The following KIAA1671 variants were observed in gnomAD, a reference collection of about 807,000 sequenced individuals.
The protein encoded by KIAA1671 is KIAA1671.
In KIAA1671, 52 loss-of-function variants were observed where a neutral mutation model predicts 131.2. The ratio of observed to expected loss-of-function variants is 0.40; its 90% CI spans 0.32 to 0.50. The LOEUF is 0.50. KIAA1671 is among the 20% of genes least tolerant of loss of function. KIAA1671 has a pLI of 0.73. For missense variants in KIAA1671, 2,360 were observed against 2,364.2 expected (o/e 1.00, Z 0.04); for synonymous variants, 1,003 against 961.6 (o/e 1.04, Z -0.80).
chr22:24,961,611 A>C (rs1246930588), intron 1 of KIAA1671, among the ~76,000 whole-genome samples: 4 of 152,206 alleles, frequency 2.6e-5, no homozygotes, highest in Admixed American at 2.6e-4. Context: ...GCAGCCAGCC[A>C]GGGCGTGTTC....
At position 25,041,185 on chromosome 22, in the gene KIAA1671, G is replaced by C; in HGVS notation, c.4055G>C (p.Gly1352Ala). The change falls in exon 5 of 13, where the codon GGT (glycine) becomes GCT (alanine). Residue 1352 changes from glycine to alanine, a missense_variant. By Grantham distance (60) the Gly-to-Ala change is moderately conservative. This residue lies in a region of KIAA1671 where 1,161 missense variants were observed against 1,204.7 expected (regional missense o/e 0.96). Transcript: ENST00000358431. The part of the protein sequence containing the change: ...QNYLAESKPS[G>A]REDPGSGVRV... ...TACCTGGCTGAGTCAAAGCCCTCTG[G>C]TCGGGAGGATCCAGGCAGTGGGGTC... is the stretch of plus-strand genomic sequence containing the variant. The C allele has an allele frequency of 1.3e-6, 2 of 1,551,790 alleles. No individual in the cohort carries two copies. Among genetic ancestry groups the C allele is most frequent in the Middle Eastern group, 1.7e-4 (1 of 5,990 alleles).
At chr22:25,082,056 G>C (rs5760832) in intron 6 of KIAA1671, among the ~76,000 whole-genome samples, 40 of 151,994 alleles carry the variant, frequency 2.6e-4, no homozygotes, top group African/African-American at 8.9e-4. Context: ...CCCTCTACCC[G>C]CACTGTTTGC....
chr22:25,185,306 G>T, intron 11 of KIAA1671, 187 bp downstream of exon 11: 1 of 666,358 alleles, frequency 1.5e-6, no homozygotes, highest in Non-Finnish European at 2.4e-6. Context: ...ACAGAGGCCG[G>T]GGAAGGAGGC....
At chr22:25,078,295 C>A (rs534671828) in intron 6 of KIAA1671, among the ~76,000 whole-genome samples, 1 of 152,104 alleles carries the variant, frequency 6.6e-6, no homozygotes, top group Non-Finnish European at 1.5e-5. Context: ...GAGATCAAAG[C>A]GGGAGGATTG....
chr22:25,087,901 A>G (rs1039951135), intron 6 of KIAA1671, among the ~76,000 whole-genome samples: 2 of 152,168 alleles, frequency 1.3e-5, no homozygotes, highest in African/African-American at 4.8e-5. Context: ...GCCCCAGCCA[A>G]TAAAGGAGAT....
At chr22:24,971,382 C>T (rs1225801759) in intron 1 of KIAA1671, among the ~76,000 whole-genome samples, 2 of 152,204 alleles carry the variant, frequency 1.3e-5, no homozygotes, top group African/African-American at 4.8e-5. Flanking sequence ...TGAGACATAG[C>T]TCCCTTGCCA....
At position 25,135,617 on chromosome 22, in the gene KIAA1671, A is replaced by G. The variant is rs73403532; in HGVS notation, c.4531-35203A>G. ...GAAGTCAGACATGTGACTAATTAAC[A>G]CCTCTTAATTGGGGAAATATGACCT... On this transcript the variant is annotated intron_variant, in intron 6 of 12. Coordinates refer to ENST00000358431, the MANE Select transcript of KIAA1671 (RefSeq NM_001145206.2). 1.4e-3 allele frequency among the ~76,000 whole-genome samples: 211 copies of G among 152,226 alleles called. 1 individual carries two copies. Among genetic ancestry groups the G allele is most frequent in the African/African-American group, 4.7e-3 (194 of 41,536 alleles).
chr22:25,104,170 G>A (rs1930862512), intron 6 of KIAA1671, among the ~76,000 whole-genome samples: 1 of 152,010 alleles, frequency 6.6e-6, no homozygotes, highest in Non-Finnish European at 1.5e-5. Context: ...GTAGAGATGG[G>A]GTTTTGTCAT....
At chr22:25,186,369 T>A (rs1414855639) in intron 11 of KIAA1671, 2 of 152,070 alleles carry the variant, frequency 1.3e-5, no homozygotes, top group African/African-American at 4.8e-5. Flanking sequence ...TGGAGTGCAG[T>A]GAGCTATGAT....
intron 9 of KIAA1671, among the ~76,000 whole-genome samples, chr22:25,180,257 C>T (rs1934219897): frequency 1.3e-5 from 2 of 152,202 alleles, no homozygotes; most frequent in Non-Finnish European, 2.9e-5. Context: ...TAAGAAGAAA[C>T]AGGCAGGGCG....
chr22:24,971,468 G>A (rs63376960), intron 1 of KIAA1671, among the ~76,000 whole-genome samples: 1 of 151,976 alleles, frequency 6.6e-6, no homozygotes, highest in Non-Finnish European at 1.5e-5. Context: ...CTTGAGAAAA[G>A]CTCCTTGTTT....
In KIAA1671 at chr22:25,196,790, A is replaced by AG. The variant is rs11422226; in HGVS notation, c.*4396dup. The AG allele has an allele frequency of 0.22, 33,910 of 151,920 alleles. 4,121 individuals are homozygous for AG. The highest frequency in any genetic ancestry group is 0.37 in the South Asian group (1,761 of 4,786). 9.4% of individuals were successfully genotyped at this position (151,920 alleles called of 1,614,324 possible). A position where few individuals can be genotyped will look rare whatever the true frequency, so the allele number is the denominator to read the frequency against. On this transcript the variant is annotated 3_prime_UTR_variant, in exon 13 of 13. Transcript: ENST00000358431. ...ACATAGCCTTATAGATCCTGTAAAT[A>AG]GGGGGGGTCACAAAAGTAATATATT...
intron 6 of KIAA1671, chr22:25,059,924 C>G (rs970807813): frequency 1.3e-5 from 2 of 152,200 alleles, no homozygotes; most frequent in African/African-American, 4.8e-5. Context: ...TCAGAAATCC[C>G]TGATCTGGGG....
At chr22:25,187,986 G>A (rs1420715288) in intron 11 of KIAA1671, among the ~76,000 whole-genome samples, 2 of 152,140 alleles carry the variant, frequency 1.3e-5, no homozygotes, top group South Asian at 2.1e-4. Context: ...GTACCTTTCT[G>A]TATGTGTTCT....
intron 6 of KIAA1671, among the ~76,000 whole-genome samples, chr22:25,092,323 G>A (rs1032427279): frequency 1.3e-5 from 2 of 152,180 alleles, no homozygotes; most frequent in African/African-American, 2.4e-5. Context: ...CAGGCAGAGG[G>A]AACAGCACGT....
chr22:25,166,342 C>A (rs1316869560), intron 6 of KIAA1671, among the ~76,000 whole-genome samples: 1 of 152,110 alleles, frequency 6.6e-6, no homozygotes, highest in African/African-American at 2.4e-5. Flanking sequence ...TCCCAAACCT[C>A]TGTGGGGGAG....
At chr22:24,995,046 G>GTT (rs199745960) in intron 1 of KIAA1671, among the ~76,000 whole-genome samples, 4 of 136,478 alleles carry the variant, frequency 2.9e-5, no homozygotes, top group Admixed American at 7.5e-5. Context: ...TGTATGTTAG[G>GTT]TTTTTTTTTT....
At chr22:24,996,372 C>G (rs1569201507) in intron 1 of KIAA1671, among the ~76,000 whole-genome samples, 2 of 152,074 alleles carry the variant, frequency 1.3e-5, no homozygotes, top group African/African-American at 4.8e-5. Flanking sequence ...CTCACACGAG[C>G]CTTATGGATT....
At chr22:24,986,645 AT>A (rs1923552818) in intron 1 of KIAA1671, among the ~76,000 whole-genome samples, 2 of 9,066 alleles carry the variant, frequency 2.2e-4, no homozygotes, top group Non-Finnish European at 4.4e-4. Flanking sequence ...CCACCCACCC[AT>A]CCACCCACCC....
Sources: gnomAD v4.1 joint callset for allele counts (sites outside exome capture counted in the v4.1 genomes callset) on GRCh38, gnomAD v4.1.1 for gene constraint, gnomAD v4.1.1 regional missense constraint, MANE v1.5 for transcripts, NCBI Gene and HGNC (gene_info 2026-07-23, HGNC 2026-07-21) for gene names.